PELI1: variants seen among roughly 807,000 people sequenced by gnomAD.
PELI1 encodes E3 ubiquitin-protein ligase pellino homolog 1.
A neutral mutation model predicts 41.3 loss-of-function variants in PELI1; 15 were observed. The ratio of observed to expected loss-of-function variants is 0.36; its 90% CI spans 0.24 to 0.56. PELI1 has a LOEUF of 0.56. Among genes scored for constraint, PELI1 ranks in the 20% least tolerant of loss-of-function variants. The pLI, the probability that PELI1 is intolerant of heterozygous loss-of-function variation, is 0.82. For missense variants in PELI1, 403 were observed against 525.5 expected (o/e 0.77, Z 2.28); for synonymous variants, 178 against 180.1 (o/e 0.99, Z 0.09).
intron 1 of PELI1, among the ~76,000 whole-genome samples, chr2:64,134,705 C>G (rs1681660829): frequency 6.6e-6 from 1 of 152,098 alleles, no homozygotes; most frequent in African/African-American, 2.4e-5. Context: ...TAAAGCCAAT[C>G]AGCTTTTAGT....
At chr2:64,144,028 C>T (rs2103757890) in intron 1 of PELI1, 53 bp downstream of exon 1, 1 of 151,786 alleles carries the variant, frequency 6.6e-6, no homozygotes, top group Middle Eastern at 3.4e-3. Context: ...CTCCCCGCGC[C>T]CCTCGGCGGC....
chr2:64,095,895 G>A (rs779176504), intron 6 of PELI1, among the ~76,000 whole-genome samples: 30 of 152,076 alleles, frequency 2.0e-4, no homozygotes, highest in South Asian at 4.1e-4. Flanking sequence ...CATCTGCCTC[G>A]GCCTTCCAAA....
At position 64,094,824 on chromosome 2, in the gene PELI1, A is replaced by G. The variant is rs1204171560; in HGVS notation, c.1135T>C (p.Trp379Arg). 1 of 1,614,202 alleles carries G rather than the reference A, an allele frequency of 6.2e-7. No homozygotes were observed. ...HVCSEKTTAY[W>R]SQIPLPHGTH... is the part of the protein sequence containing the mutation. ...CCATGAGGAAGTGGGATCTGGGACC[A>G]ATAGGCAGTTGTCTTTTCTGAACAC... The change falls in exon 7 of 7, where the codon TGG (tryptophan) becomes CGG (arginine). Residue 379 changes from tryptophan to arginine, a missense_variant. Coordinates refer to ENST00000358912, the MANE Select transcript of PELI1 (RefSeq NM_020651.4).
At chr2:64,122,630 G>A (rs1209943688) in intron 1 of PELI1, among the ~76,000 whole-genome samples, 2 of 152,058 alleles carry the variant, frequency 1.3e-5, no homozygotes, top group Non-Finnish European at 2.9e-5. Context: ...CCACTCCACT[G>A]GTGACTCTTA....
intron 1 of PELI1, among the ~76,000 whole-genome samples, chr2:64,120,749 A>T (rs778948046): frequency 6.6e-5 from 10 of 152,226 alleles, no homozygotes; most frequent in Non-Finnish European, 1.0e-4. Context: ...CTTAATTGGA[A>T]TCATTCAAAG....
At chr2:64,108,456 C>T in intron 1 of PELI1, 77 bp from the exon 2 acceptor site, 1 of 627,588 alleles carries the variant, frequency 1.6e-6, no homozygotes, top group African/African-American at 1.8e-5. Context: ...TTCAGCAGTC[C>T]TCTTGAACAC....
chr2:64,140,126 G>A (rs186750641), intron 1 of PELI1, among the ~76,000 whole-genome samples: 99 of 152,292 alleles, frequency 6.5e-4, no homozygotes, highest in African/African-American at 2.4e-3. Context: ...GTGGGAAACC[G>A]CGGGTATTAC....
intron 1 of PELI1, among the ~76,000 whole-genome samples, chr2:64,128,928 G>C (rs192457664): frequency 5.1e-4 from 77 of 152,216 alleles, no homozygotes; most frequent in African/African-American, 1.8e-3. Context: ...CTGATATTTG[G>C]ATCTATAAGT....
At chr2:64,113,272 C>T (rs747356434) in intron 1 of PELI1, among the ~76,000 whole-genome samples, 29 of 145,416 alleles carry the variant, frequency 2.0e-4, no homozygotes, top group Non-Finnish European at 1.8e-4. Context: ...GCCTGGGTGA[C>T]GGAGAGAAAC....
In PELI1 at chr2:64,128,694, G is replaced by A. The variant is rs147131926; in HGVS notation, c.-70+15387C>T. 4.3e-3 allele frequency among the ~76,000 whole-genome samples: 656 copies of A among 152,040 alleles called. 8 individuals are homozygous for A. The highest frequency in any genetic ancestry group is 0.015 in the African/African-American group (607 of 41,488). On this transcript the variant is annotated intron_variant, in intron 1 of 6. Coordinates refer to ENST00000358912, the MANE Select transcript of PELI1 (RefSeq NM_020651.4). ...ATCCACCTTTATTGGCATTTACTGC[G>A]GAGTGTATGATAAATTTAAATTTCT...
chr2:64,140,790 AAAAAAAAAACAAACAAAC>A lies in PELI1; in HGVS notation c.-70+3273_-70+3290del, dbSNP rs1371311851. On this transcript the variant is annotated intron_variant, in intron 1 of 6. Transcript: ENST00000358912. Reference sequence around the variant, plus strand: ...GTGATCTACTCAAGACAACATGCAAAAAAAAAAAACAAACAAACAAAAAAAAACCTAGGGGCAGAACTT... The same window carrying A: ...GTGATCTACTCAAGACAACATGCAAAAAAAAAAAACCTAGGGGCAGAACTT... Among the ~76,000 whole-genome samples, 161 of 134,166 alleles carry A rather than the reference AAAAAAAAAACAAACAAAC, an allele frequency of 1.2e-3. 13 individuals are homozygous for A. The Middle Eastern group carries it at 0.018, about 15-fold the overall frequency. The allele number at this position is 134,166 out of a possible 152,430, so 88.0% of individuals were successfully genotyped here. A position where few individuals can be genotyped will look rare whatever the true frequency, so the allele number is the denominator to read the frequency against.
chr2:64,112,874 C>A (rs1680851289), intron 1 of PELI1, among the ~76,000 whole-genome samples: 1 of 151,872 alleles, frequency 6.6e-6, no homozygotes, highest in African/African-American at 2.4e-5. Flanking sequence ...CATGATCTTC[C>A]CAAAGGTTTA....
Position 64,125,301 on chromosome 2 carries a change from C to T in PELI1, c.-69-16922G>A, listed in dbSNP as rs536894587. On this transcript the variant is annotated intron_variant, in intron 1 of 6. Transcript: ENST00000358912. ...GCCCCATCCTGATGCCATCTCAGGGCCCCACCCTAAGTTACCTATTATGAT... is the reference window on the plus strand; with the variant it reads ...GCCCCATCCTGATGCCATCTCAGGGTCCCACCCTAAGTTACCTATTATGAT... 5.9e-5 allele frequency among the ~76,000 whole-genome samples: 9 copies of T among 152,212 alleles called. No homozygotes were observed. The East Asian group carries it at 1.7e-3, about 29-fold the overall frequency.
chr2:64,115,661 C>T (rs1341360317), intron 1 of PELI1, among the ~76,000 whole-genome samples: 1 of 152,130 alleles, frequency 6.6e-6, no homozygotes, highest in Admixed American at 6.5e-5. Flanking sequence ...AATCATTTGT[C>T]CCCATTTTAT....
intron 1 of PELI1, among the ~76,000 whole-genome samples, chr2:64,136,820 T>C (rs1350447265): frequency 6.6e-6 from 1 of 152,148 alleles, no homozygotes; most frequent in Non-Finnish European, 1.5e-5. Context: ...GGGGAATCAC[T>C]TGAACTCAGG....
intron 1 of PELI1, among the ~76,000 whole-genome samples, chr2:64,128,038 T>C (rs1459811894): frequency 2.0e-5 from 3 of 152,112 alleles, no homozygotes; most frequent in Non-Finnish European, 4.4e-5. Context: ...CTGGCCAACA[T>C]TTAGTAGATT....
In PELI1 at chr2:64,102,616, A is replaced by G. The variant is rs548586880; in HGVS notation, c.201+2085T>C. ...TTAGTGGCTAAAGAGATTTTAAAAC[A>G]TTGGTTTTTATGTGCTTTGAAATTG... On this transcript the variant is annotated intron_variant, in intron 3 of 6. Coordinates refer to ENST00000358912, the MANE Select transcript of PELI1 (RefSeq NM_020651.4). 2.6e-5 allele frequency among the ~76,000 whole-genome samples: 4 copies of G among 152,332 alleles called. No homozygotes were observed. The South Asian group carries it at 8.3e-4, about 32-fold the overall frequency.
chr2:64,094,652 A>G lies in PELI1; in HGVS notation c.*50T>C. 7.1e-7 allele frequency: 1 copy of G among 1,401,692 alleles called. No homozygotes were observed. The highest frequency in any genetic ancestry group is 9.9e-7 in the Non-Finnish European group (1 of 1,008,412). The allele number at this position is 1,401,692 out of a possible 1,614,324, so 86.8% of individuals were successfully genotyped here. A position where few individuals can be genotyped will look rare whatever the true frequency, so the allele number is the denominator to read the frequency against. ...CGTGGACAACAGGTTCGAAAACCCA[A>G]CTCACTTAGCTTATAAATTTATAAT... On this transcript the variant is annotated 3_prime_UTR_variant, in exon 7 of 7. Transcript: ENST00000358912.
intron 2 of PELI1, 108 bp downstream of exon 2, chr2:64,108,132 T>A: frequency 1.5e-6 from 1 of 645,614 alleles, no homozygotes; most frequent in South Asian, 2.0e-5. Context: ...AAATTCTTTT[T>A]GGAAGCAGGT....
Sources: allele counts gnomAD v4.1 joint callset (sites outside exome capture counted in the v4.1 genomes callset), GRCh38; gene constraint gnomAD v4.1.1; transcripts MANE v1.5; gene names NCBI Gene and HGNC (gene_info 2026-07-23, HGNC 2026-07-21).